ZNF536: variants seen among roughly 807,000 people sequenced by gnomAD.
ZNF536 encodes the protein zinc finger protein 536.
ZNF536 carries 13 observed loss-of-function variants against 84.5 expected under a neutral mutation model. The observed-to-expected ratio is 0.15, with a 90% confidence interval of 0.10 to 0.24. The LOEUF (loss-of-function observed/expected upper bound fraction) is 0.24, where lower values mean the gene tolerates loss of function less well. Ranked by LOEUF, ZNF536 falls within the 10% of genes least tolerant of loss-of-function variation. The pLI is 1.00. For missense variants in ZNF536, 1,536 were observed against 1,747.5 expected (o/e 0.88, Z 2.16); for synonymous variants, 811 against 742.5 (o/e 1.09, Z -1.50).
chr19:30,542,332 C>G (rs1010472085), intron 3 of ZNF536, among the ~76,000 whole-genome samples: 18 of 152,070 alleles, frequency 1.2e-4, no homozygotes, highest in Non-Finnish European at 2.4e-4. Flanking sequence ...AAAATAGGTA[C>G]CGTGAACTAA....
At chr19:30,654,673 G>T (rs1443898888) in intron 1 of ZNF536, among the ~76,000 whole-genome samples, 1 of 152,106 alleles carries the variant, frequency 6.6e-6, no homozygotes, top group African/African-American at 2.4e-5. Flanking sequence ...GCTGTAATGG[G>T]TCTCAGTGCT....
intron 1 of ZNF536, among the ~76,000 whole-genome samples, chr19:30,583,529 C>A (rs112884906): frequency 6.0e-4 from 92 of 152,264 alleles, no homozygotes; most frequent in Non-Finnish European, 1.1e-3. Context: ...TGGGTCCTGG[C>A]CTGCAGCTCC....
At chr19:30,418,807 G>A (rs2050838374) in intron 1 of ZNF536, among the ~76,000 whole-genome samples, 3 of 152,028 alleles carry the variant, frequency 2.0e-5, no homozygotes, top group Admixed American at 2.0e-4. Flanking sequence ...TGTTATAATG[G>A]TTATTATTAT....
intron 4 of ZNF536, chr19:30,555,564 T>C (rs558926154): frequency 1.3e-5 from 2 of 152,340 alleles, no homozygotes; most frequent in South Asian, 2.1e-4. Flanking sequence ...ATTCTCTTCC[T>C]GATACCAGGC....
Position 30,681,291 on chromosome 19 carries a change from G to A in ZNF536, c.170-29466G>A, listed in dbSNP as rs529488888. On this transcript the variant is annotated intron_variant, in intron 1 of 1. Transcript: ENST00000592773. ...GACTCCTGGGGCTTTCTGCAGACCT[G>A]AGCGCCAGGCCTGTGCAAGGTGCTG... 2.0e-5 allele frequency among the ~76,000 whole-genome samples: 3 copies of A among 152,278 alleles called. No individual in the cohort carries two copies. The South Asian group carries it at 6.2e-4, about 32-fold the overall frequency.
rs550968437 is a variant in ZNF536, at chr19:30,430,810, G to T, written c.-2-12751G>T. On this transcript the variant is annotated intron_variant, in intron 1 of 4. Transcript: ENST00000355537. ...CTGCCTCAGCCTCCTGAGTAGCTGG[G>T]ACTACAGGCATGCGCCACCATGCCT... 3.1e-3 allele frequency among the ~76,000 whole-genome samples: 476 copies of T among 152,272 alleles called. 1 individual carries two copies. Among genetic ancestry groups the T allele is most frequent in the South Asian group, 0.017 (81 of 4,826 alleles).
chr19:30,587,289 T>C (rs2047127179), intron 1 of ZNF536, among the ~76,000 whole-genome samples: 1 of 152,218 alleles, frequency 6.6e-6, no homozygotes, highest in African/African-American at 2.4e-5. Flanking sequence ...TTACAAGACA[T>C]ATCAAACCTT....
At chr19:30,399,977 C>T (rs189976888) in intron 1 of ZNF536, among the ~76,000 whole-genome samples, 2 of 152,178 alleles carry the variant, frequency 1.3e-5, no homozygotes, top group Admixed American at 6.5e-5. Context: ...CGTGAGCCAC[C>T]GCACCCAGCC....
intron 2 of ZNF536, among the ~76,000 whole-genome samples, chr19:30,509,692 A>G (rs1267478459): frequency 6.6e-6 from 1 of 152,172 alleles, no homozygotes; most frequent in African/African-American, 2.4e-5. Flanking sequence ...GCTAAAATCT[A>G]AAATCTAAAA....
chr19:30,372,889 A>G (rs1388524416), intron 1 of ZNF536, among the ~76,000 whole-genome samples: 3 of 143,546 alleles, frequency 2.1e-5, no homozygotes, highest in Admixed American at 1.4e-4. Context: ...AACACCAACC[A>G]ACCAAACAAA....
rs141253341 is a variant in ZNF536, at chr19:30,614,465, G to GGAGAGAGA, written c.169+64962_169+64969dup. On this transcript the variant is annotated intron_variant, in intron 1 of 1. Coordinates refer to the ZNF536 transcript ENST00000592773. Reference sequence around the variant, plus strand: ...GCAGTGGGGACTGGGCGGGGGCGGGGGAGAGAGAGAGAGAGAGAAAGTAGG... The same window carrying GGAGAGAGA: ...GCAGTGGGGACTGGGCGGGGGCGGGGGAGAGAGAGAGAGAGAGAGAGAGAGAAAGTAGG... 4.3e-3 allele frequency among the ~76,000 whole-genome samples: 631 copies of GGAGAGAGA among 147,964 alleles called. 5 individuals are homozygous for GGAGAGAGA. Among genetic ancestry groups the GGAGAGAGA allele is most frequent in the African/African-American group, 0.014 (580 of 40,212 alleles).
At chr19:30,608,829 C>T (rs529650580) in intron 1 of ZNF536, among the ~76,000 whole-genome samples, 2 of 152,294 alleles carry the variant, frequency 1.3e-5, no homozygotes, top group South Asian at 2.1e-4. Flanking sequence ...ACATTGTGAC[C>T]AGCTTCCTTG....
intron 3 of ZNF536, among the ~76,000 whole-genome samples, chr19:30,545,652 C>T (rs1245058052): frequency 6.6e-6 from 1 of 152,004 alleles, no homozygotes; most frequent in African/African-American, 2.4e-5. Context: ...TTGCCTCGGC[C>T]TCCCAAAGTA....
chr19:30,651,312 C>T (rs2049698057), intron 1 of ZNF536, among the ~76,000 whole-genome samples: 1 of 152,198 alleles, frequency 6.6e-6, no homozygotes, highest in African/African-American at 2.4e-5. Flanking sequence ...CCCAGTTGGG[C>T]ACTGTGCCTC....
intron 1 of ZNF536, among the ~76,000 whole-genome samples, chr19:30,706,080 G>C (rs1304837402): frequency 6.6e-6 from 1 of 152,204 alleles, no homozygotes; most frequent in Non-Finnish European, 1.5e-5. Flanking sequence ...AGTTTGCCAA[G>C]AGGCACGTTG....
intron 2 of ZNF536, among the ~76,000 whole-genome samples, chr19:30,314,419 C>A (rs1045384536): frequency 6.6e-6 from 1 of 152,066 alleles, no homozygotes; most frequent in Non-Finnish European, 1.5e-5. Context: ...TCTCAGGTGC[C>A]CTTGGTACCT....
At chr19:30,681,252 C>G (rs1490148675) in intron 1 of ZNF536, among the ~76,000 whole-genome samples, 2 of 152,134 alleles carry the variant, frequency 1.3e-5, no homozygotes, top group Non-Finnish European at 2.9e-5. Context: ...AGCACAGGAA[C>G]CCACAAGGGT....
chr19:30,285,067 A>C (rs189002486), intron 2 of ZNF536, among the ~76,000 whole-genome samples: 1 of 152,314 alleles, frequency 6.6e-6, no homozygotes, highest in Non-Finnish European at 1.5e-5. Context: ...AAGCCTTTCA[A>C]TCCTTTTCAG....
At position 30,444,735 on chromosome 19, in the gene ZNF536, C is replaced by T. The variant is rs2052231461; in HGVS notation, c.1173C>T (p.His391=). ...AGGAGCCCTGGTTCCTCAAGAACCA[C>T]ATGAAGGTCCACCTCAACAAGCTGT... ...RFKEPWFLKN[H]MKVHLNKLSV... is the part of the protein sequence containing the mutation. Residue 391 remains histidine (H), a synonymous_variant, in exon 2 of 5, where the codon CAC becomes CAT. Transcript: ENST00000355537. The T allele has an allele frequency of 6.2e-7, 1 of 1,614,020 alleles. No homozygotes were observed.
Sources: gnomAD v4.1 joint callset for allele counts (sites outside exome capture counted in the v4.1 genomes callset) on GRCh38, gnomAD v4.1.1 for gene constraint, MANE v1.5 for transcripts, NCBI Gene and HGNC (gene_info 2026-07-23, HGNC 2026-07-21) for gene names.